The following MNAT1 variants were observed in gnomAD, a reference collection of about 807,000 sequenced individuals.
MNAT1 encodes MNAT1 component of CDK activating kinase.
In MNAT1, 43 loss-of-function variants were observed where a neutral mutation model predicts 42.0. That is an observed-to-expected ratio of 1.02 (90% CI 0.80 to 1.32). MNAT1 has a LOEUF of 1.32. MNAT1 is among the 40% of genes most tolerant of loss of function. The probability of loss-of-function intolerance (pLI) is 0.00; values close to 1 mark genes in which losing one functional copy is unlikely to be tolerated. For missense variants in MNAT1, 306 were observed against 350.4 expected (o/e 0.87, Z 1.01); for synonymous variants, 118 against 120.0 (o/e 0.98, Z 0.11).
intron 1 of MNAT1, among the ~76,000 whole-genome samples, chr14:60,735,392 A>T (rs1266759138): frequency 2.0e-5 from 3 of 152,220 alleles, no homozygotes; most frequent in Non-Finnish European, 4.4e-5. Flanking sequence ...TGAGTTAATT[A>T]AAAAACCCTG....
intron 1 of MNAT1, among the ~76,000 whole-genome samples, chr14:60,792,917 C>G (rs572493777): frequency 2.0e-5 from 3 of 152,236 alleles, no homozygotes; most frequent in Admixed American, 6.5e-5. Context: ...GAAAAAATTC[C>G]TAGCACTCCT....
At chr14:60,780,637 G>T in intron 1 of MNAT1, 1 of 1,204,294 alleles carries the variant, frequency 8.3e-7, no homozygotes, top group South Asian at 1.5e-5. Context: ...TTTGAAATGT[G>T]GTTTTCCTGA....
rs1444921424 is a variant in MNAT1, at chr14:60,866,508, A to AT, written c.688-13201dup. On this transcript the variant is annotated intron_variant, in intron 6 of 7. Coordinates refer to ENST00000261245, the MANE Select transcript of MNAT1 (RefSeq NM_002431.4). ...GTTCCTTTCCTATTTTTATTTTTGC[A>AT]TTTTTCAGGGAGGGAAAAATTTGTA... Among the ~76,000 whole-genome samples the AT allele has an allele frequency of 1.1e-4, 17 of 151,880 alleles. No homozygotes were observed. In the South Asian group the frequency reaches 2.9e-3, roughly 26 times the overall value.
intron 7 of MNAT1, among the ~76,000 whole-genome samples, chr14:60,965,394 A>G (rs1169721587): frequency 2.0e-5 from 3 of 152,340 alleles, no homozygotes; most frequent in African/African-American, 7.2e-5. Context: ...ACTGTTTTAT[A>G]TACTCTTTAT....
intron 1 of MNAT1, among the ~76,000 whole-genome samples, chr14:60,780,828 T>G (rs982546059): frequency 6.8e-5 from 10 of 147,224 alleles, no homozygotes; most frequent in African/African-American, 1.0e-4. Context: ...AACCAGGAGG[T>G]TTTTTTTTTG....
chr14:60,844,112 G>A (rs773661557), intron 6 of MNAT1, among the ~76,000 whole-genome samples: 19 of 136,152 alleles, frequency 1.4e-4, no homozygotes, highest in Non-Finnish European at 1.3e-4. Flanking sequence ...GTCTATTTCT[G>A]TTTTCCTTAT....
intron 1 of MNAT1, among the ~76,000 whole-genome samples, chr14:60,754,410 C>T (rs1362995044): frequency 1.3e-5 from 2 of 148,934 alleles, no homozygotes; most frequent in Non-Finnish European, 3.0e-5. Context: ...TGCAGTGGCA[C>T]GATCTTGGCT....
chr14:60,953,229 T>C (rs1217250952), intron 7 of MNAT1, among the ~76,000 whole-genome samples: 1 of 152,186 alleles, frequency 6.6e-6, no homozygotes, highest in Non-Finnish European at 1.5e-5. Flanking sequence ...TATACAAATG[T>C]ATTATACGTA....
At chr14:60,816,279 T>G (rs1024761129) in intron 5 of MNAT1, among the ~76,000 whole-genome samples, 1 of 152,118 alleles carries the variant, frequency 6.6e-6, no homozygotes, top group Non-Finnish European at 1.5e-5. Flanking sequence ...GCAGTAATGT[T>G]GGCTAAAAGG....
At chr14:60,738,327 C>T (rs1896368241) in intron 1 of MNAT1, among the ~76,000 whole-genome samples, 1 of 147,040 alleles carries the variant, frequency 6.8e-6, no homozygotes, top group Admixed American at 6.9e-5. Flanking sequence ...ATGATCTAGG[C>T]TCACTGCAAC....
At chr14:60,854,565 C>T (rs1252852057) in intron 6 of MNAT1, among the ~76,000 whole-genome samples, 1 of 152,162 alleles carries the variant, frequency 6.6e-6, no homozygotes, top group Non-Finnish European at 1.5e-5. Context: ...CCTTCTTCGG[C>T]AGGTCTGCTG....
chr14:60,934,558 A>G (rs956122602), intron 7 of MNAT1, among the ~76,000 whole-genome samples: 1 of 152,070 alleles, frequency 6.6e-6, no homozygotes, highest in Non-Finnish European at 1.5e-5. Flanking sequence ...TAAAAAAGGG[A>G]GTTTTCCTGC....
intron 4 of MNAT1, among the ~76,000 whole-genome samples, chr14:60,809,595 A>T (rs2032482128): frequency 6.6e-6 from 1 of 152,102 alleles, no homozygotes. Context: ...ATTTTATCAA[A>T]GCCTTTTCCT....
intron 1 of MNAT1, among the ~76,000 whole-genome samples, chr14:60,758,804 C>A (rs773946881): frequency 3.3e-5 from 5 of 152,052 alleles, no homozygotes; most frequent in Non-Finnish European, 7.4e-5. Flanking sequence ...GCTTTGAAAG[C>A]CCCTTTGAAG....
chr14:60,747,186 A>G lies in MNAT1; in HGVS notation c.89+12235A>G, dbSNP rs190409674. On this transcript the variant is annotated intron_variant, in intron 1 of 7. Transcript: ENST00000261245. Reference sequence around the variant, plus strand: ...TTTTTAGTAGAGATGGGGTTTCACCATGTTAGCCAGGATGGTCTTGATCTC... The same window carrying G: ...TTTTTAGTAGAGATGGGGTTTCACCGTGTTAGCCAGGATGGTCTTGATCTC... Among the ~76,000 whole-genome samples the G allele has an allele frequency of 3.8e-3, 572 of 151,578 alleles. 4 individuals carry two copies. Among genetic ancestry groups the G allele is most frequent in the East Asian group, 0.011 (54 of 5,118 alleles).
intron 3 of MNAT1, among the ~76,000 whole-genome samples, chr14:60,802,921 A>G (rs554691311): frequency 2.6e-5 from 4 of 151,374 alleles, no homozygotes; most frequent in African/African-American, 9.7e-5. Flanking sequence ...TTGTCATCAT[A>G]TAAATAAAAC....
At chr14:60,932,278 A>G (rs777669301) in intron 7 of MNAT1, among the ~76,000 whole-genome samples, 10 of 152,016 alleles carry the variant, frequency 6.6e-5, no homozygotes, top group Admixed American at 6.5e-4. Context: ...AGAGAATAAT[A>G]TTTAGTTTTT....
chr14:60,740,745 T>C lies in MNAT1; in HGVS notation c.89+5794T>C, dbSNP rs527357631. The stretch of plus-strand genomic sequence containing the variant: ...ATATACTCTATAAAATTTCAGTCTT[T>C]TGAAGTTTTCTGAAAGCTTGCTTAT... On this transcript the variant is annotated intron_variant, in intron 1 of 7. Coordinates refer to ENST00000261245, the MANE Select transcript of MNAT1 (RefSeq NM_002431.4). This position sits in a 1 kb window ranked among gnomAD's most constrained non-coding sequence, Gnocchi z 4.1. Among the ~76,000 whole-genome samples, 2 of 152,326 alleles carry C rather than the reference T, an allele frequency of 1.3e-5. No individual in the cohort carries two copies. The highest frequency in any genetic ancestry group is 4.1e-4 in the South Asian group (2 of 4,828).
intron 7 of MNAT1, among the ~76,000 whole-genome samples, chr14:60,959,594 G>T (rs1199525997): frequency 1.3e-5 from 2 of 152,172 alleles, no homozygotes; most frequent in African/African-American, 4.8e-5. Context: ...GATGATAAAG[G>T]CAGAATGAAC....
Sources: allele counts gnomAD v4.1 joint callset (sites outside exome capture counted in the v4.1 genomes callset), GRCh38; gene constraint gnomAD v4.1.1; non-coding constraint Gnocchi (gnomAD v3.1); transcripts MANE v1.5; gene names NCBI Gene and HGNC (gene_info 2026-07-23, HGNC 2026-07-21).